PTPRB: variants seen among roughly 807,000 people sequenced by gnomAD.
The protein encoded by PTPRB is receptor-type tyrosine-protein phosphatase beta.
A neutral mutation model predicts 238.1 loss-of-function variants in PTPRB; 97 were observed. The observed-to-expected ratio is 0.41, with a 90% CI of 0.35 to 0.48. PTPRB has a LOEUF of 0.48. Ranked by LOEUF, PTPRB falls within the 20% of genes least tolerant of loss-of-function variation. PTPRB has a pLI of 0.30. For missense variants in PTPRB, 2,292 were observed against 2,681.9 expected (o/e 0.85, Z 3.21); for synonymous variants, 970 against 995.4 (o/e 0.97, Z 0.48).
rs1459787713 is a variant in PTPRB, at chr12:70,635,843, C to T, written c.279G>A (p.Trp93Ter). The T allele has an allele frequency of 6.2e-7, 1 of 1,613,548 alleles. No individual in the cohort carries two copies. The highest frequency in any genetic ancestry group is 1.1e-5 in the South Asian group (1 of 91,002). The change falls in exon 2 of 34, where the codon TGG (tryptophan) becomes TGA (stop). Residue 93 changes from tryptophan to a stop codon, truncating the protein, a stop_gained. Transcript: ENST00000334414. LOFTEE classifies it high-confidence loss of function. The stretch of plus-strand genomic sequence containing the variant: ...GGAAGCCTTCCTGATCATAGCAGGT[C>T]CATCGGGGTGCCTGGGAACAGCGGT... ...ILDRCSQAPR[W>*]TCYDQEGFLE... is the part of the protein sequence containing the mutation.
At chr12:70,586,059 C>T (rs534944263) in intron 9 of PTPRB, among the ~76,000 whole-genome samples, 11 of 152,182 alleles carry the variant, frequency 7.2e-5, no homozygotes, top group East Asian at 5.8e-4. Flanking sequence ...GATGGACATT[C>T]GGGTTGGTTC....
rs1156956333 is a variant in PTPRB, at chr12:70,552,983, G to C, written c.5181C>G (p.Leu1727=). 6.2e-7 allele frequency: 1 copy of C among 1,613,784 alleles called. No homozygotes were observed. The highest frequency in any genetic ancestry group is 8.5e-7 in the Non-Finnish European group (1 of 1,179,700). Residue 1727 remains leucine, a synonymous_variant, in exon 21 of 34, where the codon CTC becomes CTG. Coordinates refer to ENST00000334414, the MANE Select transcript of PTPRB (RefSeq NM_001109754.4). The part of the protein sequence containing the change: ...DELKPEQQHP[L]PSYLEYRHNA... ...TGTGCCTGTACTCCAGGTAGGAAGGGAGAGGGTGCTGCTGTTCTGGCTTCA... is the reference window on the plus strand; with the variant it reads ...TGTGCCTGTACTCCAGGTAGGAAGGCAGAGGGTGCTGCTGTTCTGGCTTCA...
Position 70,635,799 on chromosome 12 carries a change from G to C in PTPRB, c.323C>G (p.Ser108Cys), listed in dbSNP as rs267603655. ...QEGFLEVENA[S>C]LFLQKQGSRV... ...GGAGCCTTGTTTCTGGAGAAAGAGA[G>C]AGGCATTTTCCACCTCAAGGAAGCC... is the stretch of plus-strand genomic sequence containing the variant. The change falls in exon 2 of 34, where the codon TCT becomes TGT. Residue 108 changes from serine (S) to cysteine (C), a missense_variant. Physicochemically the swap from Ser to Cys is moderately radical, Grantham distance 112 (BLOSUM62 -1). This residue lies in a region of PTPRB where 1,205 missense variants were observed against 1,287.8 expected (regional missense o/e 0.94). Coordinates refer to ENST00000334414, the MANE Select transcript of PTPRB (RefSeq NM_001109754.4). 1.2e-6 allele frequency: 2 copies of C among 1,613,608 alleles called. No homozygotes were observed. Among genetic ancestry groups the C allele is most frequent in the African/African-American group, 1.3e-5 (1 of 74,914 alleles).
chr12:70,561,854 G>T (rs781079788), intron 16 of PTPRB, among the ~76,000 whole-genome samples: 1 of 152,046 alleles, frequency 6.6e-6, no homozygotes, highest in Non-Finnish European at 1.5e-5. Context: ...TTCCCTCCCC[G>T]CTATTGCAGA....
intron 31 of PTPRB, 52 bp from the exon 32 acceptor site, chr12:70,532,222 A>G: frequency 6.6e-7 from 1 of 1,522,568 alleles, no homozygotes; most frequent in Non-Finnish European, 8.8e-7. Flanking sequence ...TTTGCCTTTC[A>G]AGATTGCATC....
At chr12:70,601,609 A>G (rs1883493822) in intron 4 of PTPRB, among the ~76,000 whole-genome samples, 1 of 152,046 alleles carries the variant, frequency 6.6e-6, no homozygotes, top group Admixed American at 6.6e-5. Context: ...AACATCCACT[A>G]TTCATATGAA....
chr12:70,538,324 GC>G, intron 27 of PTPRB, 93 bp from the exon 28 acceptor site: 1 of 1,013,064 alleles, frequency 9.9e-7, no homozygotes, highest in Non-Finnish European at 1.5e-6. Context: ...CCCCACAACA[GC>G]CACAGATGGG....
At chr12:70,524,865 GTA>G (rs1439124396) in intron 32 of PTPRB, among the ~76,000 whole-genome samples, 3 of 149,020 alleles carry the variant, frequency 2.0e-5, no homozygotes, top group East Asian at 2.0e-4. Context: ...GTATATGTGT[GTA>G]TATATGTGTG....
intron 3 of PTPRB, among the ~76,000 whole-genome samples, chr12:70,617,820 G>C (rs1472337968): frequency 7.5e-6 from 1 of 133,224 alleles, no homozygotes; most frequent in Non-Finnish European, 1.6e-5. Context: ...ATGAACTGAG[G>C]AAATGCAATC....
In PTPRB at chr12:70,572,165, A is replaced by T. The variant is rs1880141686; in HGVS notation, c.2843-78T>A. On this transcript the variant is annotated intron_variant, in intron 11 of 33. Transcript: ENST00000334414. ...TGATCACAGATGACAAGCTGGGACAATAAAAAGAGAGAGTAGATTATTATT... is the reference window on the plus strand; with the variant it reads ...TGATCACAGATGACAAGCTGGGACATTAAAAAGAGAGAGTAGATTATTATT... 5 of 1,363,188 alleles carry T rather than the reference A, an allele frequency of 3.7e-6. No homozygotes were observed. In the South Asian group the frequency reaches 5.5e-5, roughly 15 times the overall value. The allele number at this position is 1,363,188 out of a possible 1,614,324, so 84.4% of individuals were successfully genotyped here.
intron 15 of PTPRB, among the ~76,000 whole-genome samples, chr12:70,564,836 AAAT>A (rs1462506951): frequency 9.2e-5 from 3 of 32,784 alleles, no homozygotes; most frequent in East Asian, 1.3e-3. Context: ...CTGTCTCCAA[AAAT>A]AATAAATAAT....
chr12:70,592,506 C>T lies in PTPRB; in HGVS notation c.1556G>A (p.Gly519Asp). The T allele has an allele frequency of 6.2e-7, 1 of 1,613,794 alleles. No homozygotes were observed. The highest frequency in any genetic ancestry group is 8.5e-7 in the Non-Finnish European group (1 of 1,179,816). ...TTTGACTTTTAGAGAGGTCAAACTG[C>T]CATCATTTGTCACCTTCAGATTTGA... Reference protein sequence around the residue: ...EVSNLKVTNDGSLTSLKVKWQ... With the variant: ...EVSNLKVTNDDSLTSLKVKWQ... The change falls in exon 7 of 34, where the codon GGC (glycine) becomes GAC (aspartate). Residue 519 changes from glycine to aspartate, a missense_variant. Gly to Asp is a moderately conservative substitution (Grantham distance 94). Transcript: ENST00000334414.
intron 4 of PTPRB, among the ~76,000 whole-genome samples, chr12:70,603,508 C>T (rs867642803): frequency 7.2e-5 from 11 of 152,256 alleles, no homozygotes; most frequent in Middle Eastern, 3.4e-3. Flanking sequence ...ATACTTTTCG[C>T]AGAGTAGTGG....
chr12:70,632,276 G>C (rs897096522), intron 2 of PTPRB, among the ~76,000 whole-genome samples: 1 of 152,162 alleles, frequency 6.6e-6, no homozygotes, highest in African/African-American at 2.4e-5. Flanking sequence ...CATGTCATTT[G>C]CAGGGACATG....
chr12:70,539,925 A>G lies in PTPRB; in HGVS notation c.5678+14T>C, dbSNP rs1874787345. On this transcript the variant is annotated intron_variant, in intron 24 of 33. Transcript: ENST00000334414. ...TCTTTCAACAAATTATACGAAGGCA[A>G]ATGTGGTGCTTACCCTTTCTGGCCC... The G allele has an allele frequency of 1.3e-6, 2 of 1,598,552 alleles. No individual in the cohort carries two copies. Among genetic ancestry groups the G allele is most frequent in the Non-Finnish European group, 1.7e-6 (2 of 1,165,834 alleles).
At chr12:70,629,416 G>T (rs1286800125) in intron 2 of PTPRB, among the ~76,000 whole-genome samples, 2 of 152,126 alleles carry the variant, frequency 1.3e-5, no homozygotes, top group Admixed American at 1.3e-4. Flanking sequence ...AAGACACAAT[G>T]TACAGAATCT....
chr12:70,574,204 C>T (rs1280018876), intron 11 of PTPRB, among the ~76,000 whole-genome samples: 1 of 152,182 alleles, frequency 6.6e-6, no homozygotes, highest in Non-Finnish European at 1.5e-5. Context: ...TTCACCTCTA[C>T]TTTTTCTCAA....
At chr12:70,546,207 G>C (rs534474015) in intron 21 of PTPRB, among the ~76,000 whole-genome samples, 2 of 152,218 alleles carry the variant, frequency 1.3e-5, no homozygotes, top group South Asian at 4.2e-4. Context: ...CGATTTAGAG[G>C]GACAGTGAGG....
chr12:70,566,494 T>C lies in PTPRB; in HGVS notation c.3845A>G (p.Gln1282Arg), dbSNP rs779262570. The C allele has an allele frequency of 6.2e-6, 10 of 1,613,956 alleles. No homozygotes were observed. The highest frequency in any genetic ancestry group is 8.5e-6 in the Non-Finnish European group (10 of 1,179,912). Residue 1282 changes from glutamine to arginine, a missense_variant, in exon 15 of 34, where the codon CAG (glutamine) becomes CGG (arginine). Coordinates refer to ENST00000334414, the MANE Select transcript of PTPRB (RefSeq NM_001109754.4). ...GAGGCCTCCACTGACAGTTAGGATC[T>C]GTATCTTGTATTTCTTGCCTGGTGT... is the stretch of plus-strand genomic sequence containing the variant. ...DLTPGKKYKI[Q>R]ILTVSGGLFS...
Sources: allele counts gnomAD v4.1 joint callset (sites outside exome capture counted in the v4.1 genomes callset), GRCh38; gene constraint gnomAD v4.1.1; regional missense constraint gnomAD v4.1.1; transcripts MANE v1.5; gene names NCBI Gene and HGNC (gene_info 2026-07-23, HGNC 2026-07-21).